Variants in STRBP observed in about 807,000 individuals in gnomAD.
The protein encoded by STRBP is spermatid perinuclear RNA-binding protein.
STRBP carries 13 observed loss-of-function variants against 80.1 expected under a neutral mutation model. The ratio of observed to expected loss-of-function variants is 0.16; its 90% CI spans 0.11 to 0.26. The LOEUF (loss-of-function observed/expected upper bound fraction) is 0.26, where lower values mean the gene tolerates loss of function less well. STRBP is among the 10% of genes least tolerant of loss of function. STRBP has a pLI of 1.00. For missense variants in STRBP, 485 were observed against 815.2 expected, an observed-to-expected ratio of 0.59 and a Z score of 4.93; for synonymous variants, 284 against 291.2, an observed-to-expected ratio of 0.98 and a Z score of 0.25.
chr9:123,235,240 A>G (rs561717848), intron 2 of STRBP, among the ~76,000 whole-genome samples: 1 of 152,118 alleles, frequency 6.6e-6, no homozygotes, highest in Admixed American at 6.5e-5. Context: ...CTTTTCTAAA[A>G]AGTAGGTAAC....
rs1444068353 is a variant in STRBP, at chr9:123,218,595, T to C, written c.-165+18235A>G. 2.0e-5 allele frequency among the ~76,000 whole-genome samples: 3 copies of C among 151,354 alleles called. No individual in the cohort carries two copies. The East Asian group carries it at 5.8e-4, about 29-fold the overall frequency. On this transcript the variant is annotated intron_variant, in intron 2 of 18. Transcript: ENST00000348403. ...CTTGTTAGCCAGGATGGTCTCGATC[T>C]CCTGACCTCATGATCCACCCGCCTC...
rs141065180 is a variant in STRBP, at chr9:123,202,027, G to A, written c.-164-17729C>T. On this transcript the variant is annotated intron_variant, in intron 2 of 18. Transcript: ENST00000348403. The stretch of plus-strand genomic sequence containing the variant: ...TTTGCCTTTACTGTTGTTGAAGTTT[G>A]TTTTGTCTAAGAATAGCTACTCCTG... Among the ~76,000 whole-genome samples, 3 of 152,278 alleles carry A rather than the reference G, an allele frequency of 2.0e-5. No individual in the cohort carries two copies. The East Asian group carries it at 5.8e-4, about 29-fold the overall frequency.
intron 2 of STRBP, among the ~76,000 whole-genome samples, chr9:123,210,373 G>A (rs1162010100): frequency 7.2e-6 from 1 of 139,332 alleles, no homozygotes; most frequent in Non-Finnish European, 1.6e-5. Flanking sequence ...CCCAACAAAA[G>A]ATAAACATCA....
chr9:123,205,959 T>C (rs746297033), intron 2 of STRBP, among the ~76,000 whole-genome samples: 2 of 152,172 alleles, frequency 1.3e-5, no homozygotes, highest in South Asian at 2.1e-4. Flanking sequence ...AAAAGTAATT[T>C]GGAGATAACG....
intron 6 of STRBP, among the ~76,000 whole-genome samples, chr9:123,167,241 G>T (rs1184666004): frequency 6.6e-6 from 1 of 151,670 alleles, no homozygotes; most frequent in Non-Finnish European, 1.5e-5. Context: ...GGAAAGTTGA[G>T]ATACTACAGG....
intron 3 of STRBP, chr9:123,114,229 C>T (rs980848036): frequency 1.2e-5 from 2 of 167,070 alleles, no homozygotes; most frequent in South Asian, 2.1e-4. Flanking sequence ...CAGCTCTCCC[C>T]GTCCATTTCA....
intron 2 of STRBP, among the ~76,000 whole-genome samples, chr9:123,226,255 A>C (rs1266724219): frequency 2.0e-5 from 3 of 152,198 alleles, no homozygotes; most frequent in African/African-American, 7.2e-5. Context: ...ATGGCACTGA[A>C]AGGAACGTTT....
intron 6 of STRBP, among the ~76,000 whole-genome samples, chr9:123,168,018 T>A (rs1228400910): frequency 4.7e-5 from 7 of 150,420 alleles, no homozygotes; most frequent in Admixed American, 2.6e-4. Flanking sequence ...AAAAAAAAAA[T>A]GAAAGGGATG....
intron 2 of STRBP, among the ~76,000 whole-genome samples, chr9:123,210,971 AG>A (rs1196441136): frequency 6.6e-6 from 1 of 152,236 alleles, no homozygotes; most frequent in African/African-American, 2.4e-5. Context: ...TATTGATGGT[AG>A]GAAAAAATGT....
intron 2 of STRBP, among the ~76,000 whole-genome samples, chr9:123,188,582 C>T (rs2038795763): frequency 1.3e-5 from 2 of 152,118 alleles, no homozygotes; most frequent in Non-Finnish European, 2.9e-5. Context: ...GCGAAGCTTG[C>T]AGTGAGCTGA....
At chr9:123,120,489 GT>G (rs536528837), downstream of STRBP, among the ~76,000 whole-genome samples, 44 of 37,394 alleles carry the variant, frequency 1.2e-3, 1 homozygote, top group East Asian at 4.3e-3. Context: ...GGGCGGGGGG[GT>G]GGGGGGGGGG....
At chr9:123,247,146 C>A (rs973648116) in intron 1 of STRBP, among the ~76,000 whole-genome samples, 2 of 152,190 alleles carry the variant, frequency 1.3e-5, no homozygotes, top group African/African-American at 2.4e-5. Flanking sequence ...CAATGCCCCC[C>A]TCAAAAAGCT....
chr9:123,190,520 G>C (rs1371953629), intron 2 of STRBP, among the ~76,000 whole-genome samples: 1 of 150,222 alleles, frequency 6.7e-6, no homozygotes, highest in East Asian at 1.9e-4. Context: ...CTTATCAATA[G>C]CTAATATAAA....
intron 6 of STRBP, among the ~76,000 whole-genome samples, chr9:123,163,416 C>T (rs1286681162): frequency 6.6e-6 from 1 of 152,150 alleles, no homozygotes; most frequent in Non-Finnish European, 1.5e-5. Flanking sequence ...GAAGACAACA[C>T]ATTCTATGAA....
chr9:123,130,291 T>C (rs1045503713), intron 17 of STRBP, among the ~76,000 whole-genome samples: 4 of 152,144 alleles, frequency 2.6e-5, no homozygotes, highest in African/African-American at 7.2e-5. Context: ...GTGCAAATGG[T>C]ATATAACCTA....
At chr9:123,117,204 C>T (rs561898811), downstream of STRBP, among the ~76,000 whole-genome samples, 2 of 152,174 alleles carry the variant, frequency 1.3e-5, no homozygotes, top group Admixed American at 1.3e-4. Context: ...CTCTAGAACA[C>T]GACAGCCTGG....
At chr9:123,158,954 G>T in intron 9 of STRBP, 142 bp downstream of exon 9, 3 of 602,550 alleles carry the variant, frequency 5.0e-6, no homozygotes, top group South Asian at 2.4e-5. Context: ...TTTCCAACAC[G>T]CATTCTAGTT....
rs925656164 is a variant in STRBP, at chr9:123,136,746, C to A, written c.1498-231G>T. Among the ~76,000 whole-genome samples the A allele has an allele frequency of 6.6e-6, 1 of 152,142 alleles. No individual in the cohort carries two copies. The highest frequency in any genetic ancestry group is 1.5e-5 in the Non-Finnish European group (1 of 68,022). On this transcript the variant is annotated intron_variant, in intron 14 of 18. Coordinates refer to ENST00000348403, the MANE Select transcript of STRBP (RefSeq NM_018387.5). The surrounding 1 kb of genome is among the most constrained non-coding windows in gnomAD (Gnocchi z 4.2). Reference sequence around the variant, plus strand: ...GCCAGCCTTCCTTCGAAGCAGTATTCAAGACCAATCAATGCAACCTCACCA... The same window carrying A: ...GCCAGCCTTCCTTCGAAGCAGTATTAAAGACCAATCAATGCAACCTCACCA...
At chr9:123,150,342 T>C (rs1434735456) in intron 11 of STRBP, among the ~76,000 whole-genome samples, 1 of 152,084 alleles carries the variant, frequency 6.6e-6, no homozygotes, top group African/African-American at 2.4e-5. Flanking sequence ...CTAGAGCAAT[T>C]AGAAAAACTG....
Sources: gnomAD v4.1 joint callset for allele counts (sites outside exome capture counted in the v4.1 genomes callset) on GRCh38, gnomAD v4.1.1 for gene constraint, Gnocchi (gnomAD v3.1) non-coding constraint, MANE v1.5 for transcripts, NCBI Gene and HGNC (gene_info 2026-07-23, HGNC 2026-07-21) for gene names.